GLYATL2: variants seen among roughly 807,000 people sequenced by gnomAD.
The protein encoded by GLYATL2 is glycine-N-acyltransferase like 2.
A neutral mutation model predicts 21.4 loss-of-function variants in GLYATL2; 25 were observed. The ratio of observed to expected loss-of-function variants is 1.17; its 90% CI spans 0.85 to 1.63. The LOEUF (loss-of-function observed/expected upper bound fraction) is 1.63, where lower values mean the gene tolerates loss of function less well. Ranked by LOEUF, GLYATL2 falls within the 40% of genes most tolerant of loss-of-function variation. The pLI, the probability that GLYATL2 is intolerant of heterozygous loss-of-function variation, is 0.00. For synonymous variants in GLYATL2, 114 were observed against 118.2 expected, an observed-to-expected ratio of 0.96 and a Z score of 0.23; for missense variants, 361 against 343.3, an observed-to-expected ratio of 1.05 and a Z score of -0.41.
chr11:58,891,118 GA>G (rs1854536419), intron 1 of GLYATL2, among the ~76,000 whole-genome samples: 1 of 152,028 alleles, frequency 6.6e-6, no homozygotes, highest in African/African-American at 2.4e-5. Flanking sequence ...CCATATTCAG[GA>G]ACTTGCATTT....
At chr11:58,892,773 A>G (rs1590752222) in intron 1 of GLYATL2, 3 of 338,522 alleles carry the variant, frequency 8.9e-6, no homozygotes, top group Middle Eastern at 3.9e-4. Flanking sequence ...CTGAAGCTCA[A>G]TGCCTGCAAT....
chr11:58,842,968 A>G (rs1373035782), intron 1 of GLYATL2, among the ~76,000 whole-genome samples: 3 of 152,152 alleles, frequency 2.0e-5, no homozygotes, highest in Non-Finnish European at 4.4e-5. Flanking sequence ...TTATATTAGA[A>G]GTGTTTGGGT....
chr11:58,851,178 T>C (rs1372466586), intron 1 of GLYATL2, among the ~76,000 whole-genome samples: 1 of 152,112 alleles, frequency 6.6e-6, no homozygotes, highest in Non-Finnish European at 1.5e-5. Context: ...GGGCCACTAC[T>C]GGTCTCCGCA....
At chr11:58,905,527 C>T (rs1854844556), upstream of GLYATL2, 2 of 456,142 alleles carry the variant, frequency 4.4e-6, no homozygotes, top group African/African-American at 2.0e-5. Context: ...AATCAAAAGG[C>T]GGAAAAAGCG....
rs1180611858 is a variant in GLYATL2 at position 58,837,140 on chromosome 11, A to T, written c.351T>A (p.Val117=). 5 of 1,613,872 alleles carry T rather than the reference A, an allele frequency of 3.1e-6. No individual in the cohort carries two copies. Among genetic ancestry groups the T allele is most frequent in the Non-Finnish European group, 4.2e-6 (5 of 1,179,916 alleles). Residue 117 remains valine, a synonymous_variant, in exon 5 of 6, where the codon GTT becomes GTA. Coordinates refer to ENST00000287275, the MANE Select transcript of GLYATL2 (RefSeq NM_145016.4). ...CTACCTGCACTGATTTTGAAGTTGC[A>T]ACCTTTCTTATTGCTTCATCCAAGC... ...QEGLDEAIRK[V]ATSKSVQVDY...
rs1337229774 is a variant in GLYATL2 at position 58,834,848 on chromosome 11, A to G, written c.477-11T>C. 21 of 1,550,254 alleles carry G rather than the reference A, an allele frequency of 1.4e-5. No homozygotes were observed. The highest frequency in any genetic ancestry group is 1.7e-5 in the Non-Finnish European group (20 of 1,152,006). On this transcript the variant is annotated splice_polypyrimidine_tract_variant and intron_variant, in intron 5 of 5. Transcript: ENST00000287275. ...GAAAAGTTTCCTTCCCTGTGAAGAA[A>G]AAGAATTTTACATTTATTCAGCCAA...
chr11:58,875,158 C>G (rs1854204172), intron 1 of GLYATL2, among the ~76,000 whole-genome samples: 1 of 152,140 alleles, frequency 6.6e-6, no homozygotes, highest in Non-Finnish European at 1.5e-5. Flanking sequence ...CTTCCTCCAT[C>G]CCTTTATTTT....
Position 58,898,504 on chromosome 11 carries a change from C to T in GLYATL2, n.60+5652G>A, listed in dbSNP as rs118097286. Among the ~76,000 whole-genome samples, 369 of 143,872 alleles carry T rather than the reference C, an allele frequency of 2.6e-3. 6 individuals carry two copies. In the South Asian group the frequency reaches 0.047, roughly 18 times the overall value. The allele number at this position is 143,872 out of a possible 152,430, so 94.4% of individuals were successfully genotyped here. A position where few individuals can be genotyped will look rare whatever the true frequency, so the allele number is the denominator to read the frequency against. On this transcript the variant is annotated intron_variant and non_coding_transcript_variant, in intron 1 of 4. Coordinates refer to the GLYATL2 transcript ENST00000533636. ...CCTCTTTTTTTTTTTTTTATCTGCT[C>T]TTATCTGAGATCTCTGTTCCTATTT... is the stretch of plus-strand genomic sequence containing the variant.
At chr11:58,902,305 A>C (rs1419886338) in intron 1 of GLYATL2, among the ~76,000 whole-genome samples, 1 of 152,136 alleles carries the variant, frequency 6.6e-6, no homozygotes, top group African/African-American at 2.4e-5. Flanking sequence ...TATGTCTGAC[A>C]CATCCCCAGA....
chr11:58,852,524 G>A (rs905351608), intron 1 of GLYATL2, among the ~76,000 whole-genome samples: 4 of 152,070 alleles, frequency 2.6e-5, no homozygotes, highest in African/African-American at 9.7e-5. Context: ...AACTCTATGA[G>A]GTAATCATTA....
intron 1 of GLYATL2, among the ~76,000 whole-genome samples, chr11:58,865,679 A>G (rs1854011202): frequency 6.7e-6 from 1 of 148,542 alleles, no homozygotes; most frequent in Non-Finnish European, 1.5e-5. Flanking sequence ...CCTCTCTTTC[A>G]GAAAGTTAGG....
intron 1 of GLYATL2, among the ~76,000 whole-genome samples, chr11:58,898,180 T>C (rs532576338): frequency 6.7e-6 from 1 of 148,730 alleles, no homozygotes; most frequent in Non-Finnish European, 1.5e-5. Flanking sequence ...TTTTCTCCTG[T>C]ACCCCAATAA....
chr11:58,844,205 T>G (rs1853602878), intron 1 of GLYATL2, among the ~76,000 whole-genome samples: 1 of 152,150 alleles, frequency 6.6e-6, no homozygotes, highest in South Asian at 2.1e-4. Context: ...CATTTGGACA[T>G]TTTACAAATT....
intron 1 of GLYATL2, among the ~76,000 whole-genome samples, chr11:58,894,476 C>CAAAAAAAAAAA (rs1554980634): frequency 2.6e-5 from 3 of 116,554 alleles, no homozygotes; most frequent in Non-Finnish European, 3.5e-5. Flanking sequence ...GCAGCTATAG[C>CAAAAAAAAAAA]AAAAAAAAAA....
chr11:58,837,376 G>A lies in GLYATL2; in HGVS notation c.208C>T (p.His70Tyr), dbSNP rs1853456388. ...QKQEMKDDQD[H>Y]YTNTYHIFTK... The stretch of plus-strand genomic sequence containing the variant: ...AAGATGTGGTAAGTGTTGGTATAAT[G>A]ATCCTGGTCATCTTTCATCTCCTGA... Residue 70 changes from histidine (H) to tyrosine (Y), a missense_variant, in exon 4 of 6, where the codon CAT becomes TAT. By Grantham distance (83) the His-to-Tyr change is moderately conservative. Coordinates refer to ENST00000287275, the MANE Select transcript of GLYATL2 (RefSeq NM_145016.4). 1.9e-6 allele frequency: 3 copies of A among 1,613,050 alleles called. No individual in the cohort carries two copies. The East Asian group carries it at 6.7e-5, about 36-fold the overall frequency.
chr11:58,836,830 G>T (rs1220684048), intron 5 of GLYATL2, among the ~76,000 whole-genome samples, 185 bp downstream of exon 5: 1 of 152,104 alleles, frequency 6.6e-6, no homozygotes, highest in African/African-American at 2.4e-5. Context: ...TATGCATAAA[G>T]ACCTTGTCTA....
intron 1 of GLYATL2, among the ~76,000 whole-genome samples, chr11:58,863,121 G>C (rs1393725422): frequency 2.2e-4 from 6 of 27,840 alleles, no homozygotes; most frequent in Non-Finnish European, 1.8e-3. Flanking sequence ...GATCCACTGG[G>C]TGGATATTAT....
At chr11:58,867,131 A>G (rs1360452571) in intron 1 of GLYATL2, among the ~76,000 whole-genome samples, 1 of 149,008 alleles carries the variant, frequency 6.7e-6, no homozygotes, top group Non-Finnish European at 1.5e-5. Flanking sequence ...AGGGCCTCAT[A>G]GGGATTCAAA....
At chr11:58,897,244 C>T (rs1001850430) in intron 1 of GLYATL2, among the ~76,000 whole-genome samples, 1 of 152,140 alleles carries the variant, frequency 6.6e-6, no homozygotes, top group Non-Finnish European at 1.5e-5. Flanking sequence ...TTCCTCCTTC[C>T]TTCCTCACCC....
Sources: gnomAD v4.1 joint callset for allele counts (sites outside exome capture counted in the v4.1 genomes callset) on GRCh38, gnomAD v4.1.1 for gene constraint, MANE v1.5 for transcripts, NCBI Gene and HGNC (gene_info 2026-07-23, HGNC 2026-07-21) for gene names.